SLC14A2: variants seen among roughly 807,000 people sequenced by gnomAD.
SLC14A2 encodes urea transporter 2.
Under a neutral mutation model 104.6 loss-of-function variants are expected in SLC14A2, and 91 were observed. The ratio of observed to expected loss-of-function variants is 0.87; its 90% CI spans 0.73 to 1.04. The LOEUF (loss-of-function observed/expected upper bound fraction) is 1.04. Among genes scored for constraint, SLC14A2 ranks in the 50% least tolerant of loss-of-function variants. The pLI is 0.00. For synonymous variants in SLC14A2, 476 were observed against 466.4 expected (o/e 1.02, Z -0.27); for missense variants, 1,189 against 1,156.0 (o/e 1.03, Z -0.41).
In SLC14A2 at chr18:45,349,057, T is replaced by C. The variant is rs183358585; in HGVS notation, c.-124-134176T>C. 2.4e-4 allele frequency among the ~76,000 whole-genome samples: 37 copies of C among 152,352 alleles called. 1 individual carries two copies. Among genetic ancestry groups the C allele is most frequent in the Admixed American group, 2.2e-3 (33 of 15,306 alleles). ...AGTGTTGGACGTGCAGTACAATTCATGACAGCCTGCGACAGTGTGTAATGG... is the reference window on the plus strand; with the variant it reads ...AGTGTTGGACGTGCAGTACAATTCACGACAGCCTGCGACAGTGTGTAATGG... On this transcript the variant is annotated intron_variant, in intron 1 of 20. Coordinates refer to the SLC14A2 transcript ENST00000586448.
intron 1 of SLC14A2, among the ~76,000 whole-genome samples, chr18:45,326,307 G>T (rs1221252029): frequency 6.6e-6 from 1 of 152,002 alleles, no homozygotes; most frequent in Non-Finnish European, 1.5e-5. Flanking sequence ...CCAAAATTTG[G>T]CTAGGATCCT....
intron 1 of SLC14A2, among the ~76,000 whole-genome samples, chr18:45,475,086 C>G (rs2087332807): frequency 6.6e-6 from 1 of 152,168 alleles, no homozygotes; most frequent in African/African-American, 2.4e-5. Context: ...TGTCTTTCTT[C>G]TCATTGGTTT....
intron 2 of SLC14A2, among the ~76,000 whole-genome samples, chr18:45,558,216 T>A (rs1434853993): frequency 6.6e-6 from 1 of 152,218 alleles, no homozygotes; most frequent in Non-Finnish European, 1.5e-5. Flanking sequence ...CCATCTGTCC[T>A]CTAAAGCTCA....
intron 8 of SLC14A2, 126 bp downstream of exon 8, chr18:45,641,469 T>A: frequency 9.3e-7 from 1 of 1,071,710 alleles, no homozygotes; most frequent in African/African-American, 1.5e-5. Context: ...ATGGCTTGCG[T>A]CCTAATGCCA....
intron 1 of SLC14A2, among the ~76,000 whole-genome samples, chr18:45,407,803 A>C (rs766148733): frequency 4.6e-5 from 7 of 152,224 alleles, no homozygotes; most frequent in Non-Finnish European, 1.0e-4. Flanking sequence ...CAGAACACAC[A>C]CAACATTTAT....
At chr18:45,666,305 G>T in intron 12 of SLC14A2, 86 bp downstream of exon 12, 1 of 882,514 alleles carries the variant, frequency 1.1e-6, no homozygotes, top group Non-Finnish European at 1.8e-6. Flanking sequence ...CTGTAAACAA[G>T]GTTCTCCGAT....
chr18:45,513,604 G>T (rs1442441072), intron 2 of SLC14A2, among the ~76,000 whole-genome samples: 1 of 152,168 alleles, frequency 6.6e-6, no homozygotes, highest in Non-Finnish European at 1.5e-5. Context: ...AAATGTAAAG[G>T]TTGAAGGGTA....
chr18:45,357,237 A>ATTTT lies in SLC14A2; in HGVS notation c.-124-125979_-124-125976dup, dbSNP rs56321113. 1.9e-3 allele frequency among the ~76,000 whole-genome samples: 245 copies of ATTTT among 126,432 alleles called. 2 individuals carry two copies. The highest frequency in any genetic ancestry group is 6.8e-3 in the African/African-American group (216 of 31,658). 82.9% of individuals were successfully genotyped at this position (126,432 alleles called of 152,430 possible). ...CCTGAGGCAGTGGCCTTGGGACACA[A>ATTTT]TTTTTTTTTTTTTTTTTTTTGCTAT... On this transcript the variant is annotated intron_variant, in intron 1 of 20. Coordinates refer to the SLC14A2 transcript ENST00000586448.
intron 1 of SLC14A2, among the ~76,000 whole-genome samples, chr18:45,282,721 T>G (rs1369781023): frequency 1.3e-5 from 2 of 152,126 alleles, no homozygotes; most frequent in Non-Finnish European, 2.9e-5. Flanking sequence ...AGGGCATATC[T>G]TTGGTTATTG....
chr18:45,280,562 A>C (rs1458147628), intron 1 of SLC14A2, among the ~76,000 whole-genome samples: 1 of 152,024 alleles, frequency 6.6e-6, no homozygotes, highest in African/African-American at 2.4e-5. Flanking sequence ...TCTAGTCTCC[A>C]TTCTGGGTGA....
intron 2 of SLC14A2, among the ~76,000 whole-genome samples, chr18:45,577,281 GAGCTTTGGATATCTGGAGCTACAAGAT>G (rs1423269888): frequency 2.6e-5 from 4 of 152,012 alleles, no homozygotes; most frequent in Non-Finnish European, 5.9e-5. Context: ...CAAAGCTACA[GAGCTTTGGATATCTGGAGCTACAAGAT>G]AGCTCCAGGA....
the SLC14A2 span, among the ~76,000 whole-genome samples, chr18:45,202,074 A>G: frequency 6.6e-6 from 1 of 152,184 alleles, no homozygotes; most frequent in East Asian, 1.9e-4. Context: ...TTTAATCAGA[A>G]CTAAGGGCAA....
chr18:45,262,961 A>G (rs2084554698), intron 1 of SLC14A2, among the ~76,000 whole-genome samples: 1 of 152,252 alleles, frequency 6.6e-6, no homozygotes, highest in African/African-American at 2.4e-5. Context: ...TTTGACTGCT[A>G]ACATCTTGCA....
At chr18:45,673,933 T>C in intron 18 of SLC14A2, 116 bp downstream of exon 18, 2 of 1,066,956 alleles carry the variant, frequency 1.9e-6, no homozygotes, top group Non-Finnish European at 2.7e-6. Flanking sequence ...CTATTTTCAC[T>C]GAATACTCAA....
chr18:45,628,442 C>CA (rs59400362), intron 4 of SLC14A2, among the ~76,000 whole-genome samples: 138 of 124,328 alleles, frequency 1.1e-3, no homozygotes, highest in African/African-American at 3.1e-3. Context: ...GACTCTGCCT[C>CA]AAAAAAAAAA....
At chr18:45,562,882 C>A (rs2044218924) in intron 2 of SLC14A2, among the ~76,000 whole-genome samples, 1 of 152,144 alleles carries the variant, frequency 6.6e-6, no homozygotes, top group Non-Finnish European at 1.5e-5. Context: ...CTGCTCTGGT[C>A]CCTCTGCAAG....
At chr18:45,471,662 TTG>T (rs1177531790) in intron 1 of SLC14A2, among the ~76,000 whole-genome samples, 1 of 152,162 alleles carries the variant, frequency 6.6e-6, no homozygotes, top group East Asian at 1.9e-4. Context: ...AAGTCTGTTT[TTG>T]TGTCTTGAGC....
At chr18:45,362,424 T>C (rs916357174) in intron 1 of SLC14A2, among the ~76,000 whole-genome samples, 1 of 152,220 alleles carries the variant, frequency 6.6e-6, no homozygotes, top group Admixed American at 6.5e-5. Flanking sequence ...TCCATAAATG[T>C]TCTTCATTCC....
intron 2 of SLC14A2, among the ~76,000 whole-genome samples, chr18:45,553,305 G>A (rs2044081529): frequency 6.6e-6 from 1 of 152,178 alleles, no homozygotes. Context: ...GGCCCCCTAT[G>A]TCACTGTGGC....
Sources: allele counts gnomAD v4.1 joint callset (sites outside exome capture counted in the v4.1 genomes callset), GRCh38; gene constraint gnomAD v4.1.1; transcripts MANE v1.5; gene names NCBI Gene and HGNC (gene_info 2026-07-23, HGNC 2026-07-21).